Variants in LINGO2 observed in about 807,000 individuals in gnomAD.
LINGO2 encodes the protein leucine-rich repeat and immunoglobulin-like domain-containing nogo receptor-interacting protein 2.
In LINGO2, 14 loss-of-function variants were observed where a neutral mutation model predicts 30.6. The ratio of observed to expected loss-of-function variants is 0.46; its 90% CI spans 0.30 to 0.72. The LOEUF is 0.72. LINGO2 is among the 30% of genes least tolerant of loss of function. LINGO2 has a pLI of 0.07. For missense variants in LINGO2, 729 were observed against 751.7 expected (o/e 0.97, Z 0.35); for synonymous variants, 317 against 288.5 (o/e 1.10, Z -1.00).
chr9:28,274,818 C>T (rs146072379), intron 4 of LINGO2, among the ~76,000 whole-genome samples: 8 of 152,148 alleles, frequency 5.3e-5, no homozygotes, highest in Non-Finnish European at 1.0e-4. Context: ...ACTACTGGTA[C>T]CTTTTCTCAG....
intron 2 of LINGO2, among the ~76,000 whole-genome samples, chr9:28,468,316 A>G (rs1440067380): frequency 1.3e-5 from 2 of 152,208 alleles, no homozygotes; most frequent in Non-Finnish European, 2.9e-5. Context: ...TCATATTTGC[A>G]AGGTTATAAC....
chr9:28,057,245 C>T (rs138724152), intron 4 of LINGO2, among the ~76,000 whole-genome samples: 56 of 151,738 alleles, frequency 3.7e-4, no homozygotes, highest in East Asian at 9.7e-4. Flanking sequence ...CCACATTTAA[C>T]GCATTTGGCA....
At chr9:28,634,417 A>G (rs1315146783) in intron 1 of LINGO2, among the ~76,000 whole-genome samples, 2 of 151,698 alleles carry the variant, frequency 1.3e-5, no homozygotes, top group Admixed American at 6.6e-5. Flanking sequence ...TCCTTTACGA[A>G]ACAGAATCTT....
At chr9:28,014,871 A>T (rs1489118233) in intron 4 of LINGO2, among the ~76,000 whole-genome samples, 1 of 152,194 alleles carries the variant, frequency 6.6e-6, no homozygotes. Context: ...TATTTTTAAT[A>T]ATTTAGAAAA....
At chr9:29,194,768 T>C in the LINGO2 span, among the ~76,000 whole-genome samples, 458 of 152,282 alleles carry the variant, frequency 3.0e-3, 1 homozygote, top group African/African-American at 0.011. Context: ...TTGTGTTCCC[T>C]TTACCAAGAT....
intron 4 of LINGO2, among the ~76,000 whole-genome samples, chr9:28,161,463 A>G (rs1828284048): frequency 6.6e-6 from 1 of 152,204 alleles, no homozygotes; most frequent in Admixed American, 6.5e-5. Context: ...TGAAATAAGT[A>G]TATAATTTAA....
the LINGO2 span, among the ~76,000 whole-genome samples, chr9:28,917,222 A>G: frequency 6.6e-6 from 1 of 152,192 alleles, no homozygotes; most frequent in Non-Finnish European, 1.5e-5. Flanking sequence ...CTAAAAATTA[A>G]GTAGTAAACA....
chr9:29,094,820 C>T, the LINGO2 span, among the ~76,000 whole-genome samples: 1 of 139,022 alleles, frequency 7.2e-6, no homozygotes. Flanking sequence ...GTCTACTAGA[C>T]ATTTTTAAAT....
At chr9:28,813,431 C>T in the LINGO2 span, among the ~76,000 whole-genome samples, 2 of 152,304 alleles carry the variant, frequency 1.3e-5, no homozygotes, top group Non-Finnish European at 2.9e-5. Context: ...GCTTATTGTA[C>T]TGTACTCACC....
intron 4 of LINGO2, among the ~76,000 whole-genome samples, chr9:28,092,944 T>C (rs1826139603): frequency 6.6e-6 from 1 of 152,088 alleles, no homozygotes. Flanking sequence ...TTAATTCTTA[T>C]CACAACCTTA....
chr9:28,055,347 G>T (rs1356201109), intron 4 of LINGO2, among the ~76,000 whole-genome samples: 1 of 152,082 alleles, frequency 6.6e-6, no homozygotes. Context: ...ATGGAAAAGG[G>T]CTGCTCAAAT....
In LINGO2 at chr9:28,147,546, C is replaced by A. The variant is rs924305271; in HGVS notation, c.-86-135141G>T. Among the ~76,000 whole-genome samples, 8 of 152,158 alleles carry A rather than the reference C, an allele frequency of 5.3e-5. No homozygotes were observed. Among genetic ancestry groups the A allele is most frequent in the Non-Finnish European group, 8.8e-5 (6 of 68,020 alleles). On this transcript the variant is annotated intron_variant, in intron 4 of 5. Coordinates refer to ENST00000379992, the Ensembl canonical transcript of LINGO2. The surrounding 1 kb of genome is among the most constrained non-coding windows in gnomAD (Gnocchi z 4.7). ...CCCGGGGGAGCCTGGCGGGATCTGG[C>A]TGGTCCTGTGCTCTGCTTCCAGGTT...
the LINGO2 span, among the ~76,000 whole-genome samples, chr9:29,132,277 C>T: frequency 6.6e-6 from 1 of 152,112 alleles, no homozygotes; most frequent in Non-Finnish European, 1.5e-5. Context: ...TTTGTGCTGA[C>T]TTCCTAGAAA....
chr9:28,991,454 C>T, the LINGO2 span, among the ~76,000 whole-genome samples: 76 of 148,394 alleles, frequency 5.1e-4, no homozygotes, highest in Non-Finnish European at 1.0e-3. Context: ...GGATATTATC[C>T]AGGAGAACTT....
chr9:28,884,697 G>GTATA, the LINGO2 span, among the ~76,000 whole-genome samples: 1,056 of 137,956 alleles, frequency 7.7e-3, 11 homozygotes, highest in East Asian at 0.051. Flanking sequence ...GTATGTATGT[G>GTATA]TATATATATA....
chr9:29,107,035 A>C, the LINGO2 span, among the ~76,000 whole-genome samples: 36,192 of 152,092 alleles, frequency 0.24, 4,447 homozygotes, highest in East Asian at 0.41. Context: ...TGAATCTATA[A>C]CACACACATT....
intron 4 of LINGO2, among the ~76,000 whole-genome samples, chr9:28,290,141 T>C (rs1823666771): frequency 6.6e-6 from 1 of 152,172 alleles, no homozygotes; most frequent in South Asian, 2.1e-4. Flanking sequence ...AGTTAAGTAA[T>C]TTTGTTAGGG....
chr9:28,431,916 T>C (rs185753789), intron 2 of LINGO2, among the ~76,000 whole-genome samples: 1 of 152,232 alleles, frequency 6.6e-6, no homozygotes, highest in African/African-American at 2.4e-5. Context: ...TCAAATCTAG[T>C]GCTCTGTTTT....
At chr9:28,000,024 T>C (rs1821869122) in intron 5 of LINGO2, among the ~76,000 whole-genome samples, 1 of 152,226 alleles carries the variant, frequency 6.6e-6, no homozygotes, top group South Asian at 2.1e-4. Context: ...GGGATTGGAT[T>C]GTTTTCTAAA....
Sources: gnomAD v4.1 joint callset for allele counts (sites outside exome capture counted in the v4.1 genomes callset) on GRCh38, gnomAD v4.1.1 for gene constraint, Gnocchi (gnomAD v3.1) non-coding constraint, MANE v1.5 for transcripts, NCBI Gene and HGNC (gene_info 2026-07-23, HGNC 2026-07-21) for gene names.